The following PARM1 variants were observed in gnomAD, a reference collection of about 807,000 sequenced individuals.
The protein encoded by PARM1 is prostate androgen-regulated mucin-like protein 1.
A neutral mutation model predicts 24.6 loss-of-function variants in PARM1; 14 were observed. The observed-to-expected ratio is 0.57, with a 90% CI of 0.38 to 0.89. The LOEUF (loss-of-function observed/expected upper bound fraction) is 0.89. Ranked by LOEUF, PARM1 falls within the 40% of genes least tolerant of loss-of-function variation. The pLI is 0.00. For missense variants in PARM1, 362 were observed against 380.4 expected, an observed-to-expected ratio of 0.95 and a Z score of 0.40; for synonymous variants, 179 against 156.6, an observed-to-expected ratio of 1.14 and a Z score of -1.07.
At chr4:74,945,767 A>G (rs1721400176) in intron 1 of PARM1, among the ~76,000 whole-genome samples, 2 of 152,240 alleles carry the variant, frequency 1.3e-5, no homozygotes, top group South Asian at 4.1e-4. Context: ...AAAAAAGAAA[A>G]ACAGCCCTCA....
intron 1 of PARM1, among the ~76,000 whole-genome samples, chr4:74,970,576 A>G (rs1344827595): frequency 6.6e-6 from 1 of 152,192 alleles, no homozygotes. Context: ...ATTGAGTAAA[A>G]CATCTAATCT....
intron 1 of PARM1, among the ~76,000 whole-genome samples, chr4:74,975,603 C>T (rs1010930056): frequency 1.3e-5 from 2 of 152,270 alleles, no homozygotes; most frequent in East Asian, 1.9e-4. Flanking sequence ...CATGTAGTCA[C>T]GTTTGACTAC....
chr4:74,960,666 A>G (rs1177398971), intron 1 of PARM1, among the ~76,000 whole-genome samples: 1 of 152,154 alleles, frequency 6.6e-6, no homozygotes, highest in African/African-American at 2.4e-5. Context: ...AAAGGGAAAA[A>G]TAACCCAATA....
At chr4:74,933,451 A>C (rs1354266064) in intron 1 of PARM1, 81 bp downstream of exon 1, 3 of 1,260,272 alleles carry the variant, frequency 2.4e-6, no homozygotes, top group Middle Eastern at 1.9e-4. Context: ...TGAAGCTAGG[A>C]GATCCGGCAG....
In PARM1 at chr4:75,046,590, A is replaced by G. The variant is rs537047066; in HGVS notation, c.*343A>G. The G allele has an allele frequency of 1.2e-4, 24 of 198,878 alleles. No individual in the cohort carries two copies. Among genetic ancestry groups the G allele is most frequent in the South Asian group, 1.1e-3 (10 of 8,976 alleles). 12.3% of individuals were successfully genotyped at this position (198,878 alleles called of 1,614,324 possible). On this transcript the variant is annotated 3_prime_UTR_variant, in exon 4 of 4. Transcript: ENST00000307428. Reference sequence around the variant, plus strand: ...GATTTGGGTTGTTTTGTTAGGGGTTACTTTCAGGGGAACATTTCATTTGTG... The same window carrying G: ...GATTTGGGTTGTTTTGTTAGGGGTTGCTTTCAGGGGAACATTTCATTTGTG...
intron 1 of PARM1, among the ~76,000 whole-genome samples, chr4:74,989,916 G>A (rs1028349393): frequency 2.0e-5 from 3 of 152,166 alleles, no homozygotes; most frequent in Non-Finnish European, 4.4e-5. Context: ...ATGCTGTGTG[G>A]ATTGTATTGG....
At position 75,049,857 on chromosome 4, in the gene PARM1, C is replaced by CTTTTTTTTT. The variant is rs958932898; in HGVS notation, c.*3618_*3619insTTTTTTTTT. On this transcript the variant is annotated 3_prime_UTR_variant, in exon 4 of 4. Transcript: ENST00000307428. ...TGATTCACCTTCTTTGCCTTTAAGC[C>CTTTTTTTTT]TTTTTTTTCTTTTTTTTTTTTTTGG... 1 of 138,750 alleles carries CTTTTTTTTT rather than the reference C, an allele frequency of 7.2e-6. No individual in the cohort carries two copies. The highest frequency in any genetic ancestry group is 1.5e-5 in the Non-Finnish European group (1 of 65,984). The allele number at this position is 138,750 out of a possible 1,614,324, so 8.6% of individuals were successfully genotyped here. A position where few individuals can be genotyped will look rare whatever the true frequency, so the allele number is the denominator to read the frequency against.
chr4:75,003,324 A>G (rs1318212250), intron 1 of PARM1, among the ~76,000 whole-genome samples: 1 of 151,750 alleles, frequency 6.6e-6, no homozygotes, highest in East Asian at 1.9e-4. Context: ...ATCTAAGGAA[A>G]AAAAAAAAAA....
At chr4:75,034,420 C>A (rs918971247) in intron 3 of PARM1, among the ~76,000 whole-genome samples, 1 of 152,134 alleles carries the variant, frequency 6.6e-6, no homozygotes, top group African/African-American at 2.4e-5. Context: ...GATTCCAATG[C>A]AAAATGTAAA....
rs187997551 is a variant in PARM1 at position 74,997,801 on chromosome 4, A to C, written c.44-14624A>C. Reference sequence around the variant, plus strand: ...CATAATCCCAGCACTGCCAGAGGGAACATAGGAATATATTAAAAAGTGGTT... The same window carrying C: ...CATAATCCCAGCACTGCCAGAGGGACCATAGGAATATATTAAAAAGTGGTT... On this transcript the variant is annotated intron_variant, in intron 1 of 3. Coordinates refer to ENST00000307428, the MANE Select transcript of PARM1 (RefSeq NM_015393.4). 3 of 152,338 alleles carry C rather than the reference A, an allele frequency of 2.0e-5. No homozygotes were observed. In the East Asian group the frequency reaches 5.8e-4, roughly 29 times the overall value. The allele number at this position is 152,338 out of a possible 1,614,324, so 9.4% of individuals were successfully genotyped here. A position where few individuals can be genotyped will look rare whatever the true frequency, so the allele number is the denominator to read the frequency against.
At chr4:74,996,263 G>A (rs1722574817) in intron 1 of PARM1, among the ~76,000 whole-genome samples, 1 of 152,152 alleles carries the variant, frequency 6.6e-6, no homozygotes. Context: ...ACTGAATATT[G>A]GTGCTGTGAG....
At chr4:75,013,348 C>T (rs1722917944) in intron 2 of PARM1, among the ~76,000 whole-genome samples, 198 bp downstream of exon 2, 1 of 152,164 alleles carries the variant, frequency 6.6e-6, no homozygotes, top group Non-Finnish European at 1.5e-5. Flanking sequence ...TGGCCAATTG[C>T]ACCTTTATGA....
intron 1 of PARM1, among the ~76,000 whole-genome samples, chr4:74,976,037 G>A (rs748832801): frequency 8.5e-5 from 13 of 152,168 alleles, no homozygotes; most frequent in Non-Finnish European, 1.6e-4. Flanking sequence ...GGTGGTGAGT[G>A]ATTGTGCTAC....
intron 1 of PARM1, among the ~76,000 whole-genome samples, chr4:75,011,053 G>C (rs2109793289): frequency 6.6e-6 from 1 of 152,138 alleles, no homozygotes; most frequent in East Asian, 1.9e-4. Flanking sequence ...GTAGGTGGGA[G>C]GTGCCACATG....
At chr4:74,933,435 C>G (rs1721109784) in intron 1 of PARM1, 65 bp downstream of exon 1, 20 of 1,436,900 alleles carry the variant, frequency 1.4e-5, no homozygotes, top group Non-Finnish European at 2.0e-5. Flanking sequence ...AGCGCGTGGT[C>G]GGGGCTGAAG....
chr4:75,005,111 G>A (rs534652514), intron 1 of PARM1, among the ~76,000 whole-genome samples: 1 of 152,288 alleles, frequency 6.6e-6, no homozygotes, highest in South Asian at 2.1e-4. Flanking sequence ...AGTCCCACTG[G>A]CCTTTTCAGC....
At position 75,031,349 on chromosome 4, in the gene PARM1, C is replaced by T. The variant is rs1723270947; in HGVS notation, c.770-2534C>T. On this transcript the variant is annotated intron_variant, in intron 2 of 3. Coordinates refer to ENST00000307428, the MANE Select transcript of PARM1 (RefSeq NM_015393.4). ...TTAGAAGTGCCCCTTTGCCCAGCTGCCCTCAAGGGCCCATCAGGAGGAAAA... is the reference window on the plus strand; with the variant it reads ...TTAGAAGTGCCCCTTTGCCCAGCTGTCCTCAAGGGCCCATCAGGAGGAAAA... 2.0e-5 allele frequency among the ~76,000 whole-genome samples: 3 copies of T among 152,140 alleles called. No individual in the cohort carries two copies. In the South Asian group the frequency reaches 6.2e-4, roughly 32 times the overall value.
At chr4:75,005,572 C>A (rs908927906) in intron 1 of PARM1, among the ~76,000 whole-genome samples, 1 of 152,174 alleles carries the variant, frequency 6.6e-6, no homozygotes, top group Non-Finnish European at 1.5e-5. Context: ...TAAGAACTCA[C>A]CTGCATGTCC....
intron 1 of PARM1, among the ~76,000 whole-genome samples, chr4:74,993,344 A>G (rs1722514502): frequency 6.6e-6 from 1 of 152,166 alleles, no homozygotes; most frequent in Non-Finnish European, 1.5e-5. Context: ...GAATGAGCTT[A>G]GTAGCAGTTT....
Sources: allele counts gnomAD v4.1 joint callset (sites outside exome capture counted in the v4.1 genomes callset), GRCh38; gene constraint gnomAD v4.1.1; transcripts MANE v1.5; gene names NCBI Gene and HGNC (gene_info 2026-07-23, HGNC 2026-07-21).